PRKCB: variants seen among roughly 807,000 people sequenced by gnomAD.
The protein encoded by PRKCB is protein kinase C beta type.
In PRKCB, 13 loss-of-function variants were observed where a neutral mutation model predicts 81.5. The ratio of observed to expected loss-of-function variants is 0.16; its 90% CI spans 0.10 to 0.25. PRKCB has a LOEUF of 0.25. Ranked by LOEUF, PRKCB falls within the 10% of genes least tolerant of loss-of-function variation. The pLI is 1.00. For synonymous variants in PRKCB, 335 were observed against 321.4 expected, an observed-to-expected ratio of 1.04 and a Z score of -0.45; for missense variants, 509 against 875.7, an observed-to-expected ratio of 0.58 and a Z score of 5.29.
chr16:23,849,697 A>C (rs988561266), intron 2 of PRKCB, among the ~76,000 whole-genome samples: 1 of 152,164 alleles, frequency 6.6e-6, no homozygotes, highest in African/African-American at 2.4e-5. Context: ...TTTTTTTAAA[A>C]AAACTATTAA....
At chr16:23,896,078 AT>A (rs56293467) in intron 2 of PRKCB, among the ~76,000 whole-genome samples, 2,283 of 146,910 alleles carry the variant, frequency 0.016, 47 homozygotes, top group African/African-American at 0.054. Flanking sequence ...ATCCATTCAC[AT>A]TTTTTTTTTT....
Position 24,215,986 on chromosome 16 carries a change from TAA to T in PRKCB, c.*1184_*1185del, listed in dbSNP as rs59543980. The stretch of plus-strand genomic sequence containing the variant: ...TTTTTCTTCTAGCATCGAGATACAA[TAA>T]AAAAAAAAAAAAAGAAAAGAAGAAG... On this transcript the variant is annotated 3_prime_UTR_variant, in exon 17 of 17. Coordinates refer to ENST00000643927, the MANE Select transcript of PRKCB (RefSeq NM_002738.7). The T allele has an allele frequency of 0.018, 16,425 of 891,734 alleles. 487 individuals are homozygous for T. The highest frequency in any genetic ancestry group is 0.18 in the African/African-American group (8,403 of 47,358). The allele number at this position is 891,734 out of a possible 1,614,324, so 55.2% of individuals were successfully genotyped here. A position where few individuals can be genotyped will look rare whatever the true frequency, so the allele number is the denominator to read the frequency against.
chr16:23,903,635 CG>C (rs1269776382), intron 2 of PRKCB, among the ~76,000 whole-genome samples: 1 of 151,970 alleles, frequency 6.6e-6, no homozygotes, highest in Non-Finnish European at 1.5e-5. Flanking sequence ...AGGAGAATGC[CG>C]GAGAGGGGAA....
intron 2 of PRKCB, among the ~76,000 whole-genome samples, chr16:23,972,030 C>T (rs1964564060): frequency 6.6e-6 from 1 of 151,818 alleles, no homozygotes; most frequent in South Asian, 2.1e-4. Context: ...TTAAAAAAAC[C>T]CCAGAATATT....
At chr16:23,996,166 G>C (rs1329036248) in intron 3 of PRKCB, among the ~76,000 whole-genome samples, 1 of 152,026 alleles carries the variant, frequency 6.6e-6, no homozygotes, top group Admixed American at 6.6e-5. Context: ...ATCTCTGAGT[G>C]GGCAATAAAC....
At chr16:24,162,500 G>A (rs1967274749) in intron 10 of PRKCB, among the ~76,000 whole-genome samples, 1 of 145,214 alleles carries the variant, frequency 6.9e-6, no homozygotes, top group Non-Finnish European at 1.5e-5. Context: ...CCAGGCTGGA[G>A]TGCAGTGGTA....
Position 24,096,652 on chromosome 16 carries a change from CAAAAA to C in PRKCB, c.821+2366_821+2370del, listed in dbSNP as rs1219127854. On this transcript the variant is annotated intron_variant, in intron 7 of 16. Coordinates refer to ENST00000643927, the MANE Select transcript of PRKCB (RefSeq NM_002738.7). ...ATTTTATTTTGCTCCCTTCCTATGG[CAAAAA>C]AAAAAAAAAATATATATATATATAT... is the stretch of plus-strand genomic sequence containing the variant. 5.6e-3 allele frequency among the ~76,000 whole-genome samples: 231 copies of C among 41,544 alleles called. 1 individual carries two copies. Among genetic ancestry groups the C allele is most frequent in the East Asian group, 0.029 (34 of 1,182 alleles). The allele number at this position is 41,544 out of a possible 152,430, so 27.3% of individuals were successfully genotyped here.
rs774746011 is a variant in PRKCB at position 24,191,138 on chromosome 16, G to T, written c.1771G>T (p.Glu591Ter). 1.2e-6 allele frequency: 2 copies of T among 1,613,972 alleles called. No individual in the cohort carries two copies. Among genetic ancestry groups the T allele is most frequent in the Non-Finnish European group, 1.7e-6 (2 of 1,180,000 alleles). The part of the protein sequence containing the change: ...GKRLGCGPEG[E>*]RDIKEHAFFR... ...ACGTCTGGGTTGTGGACCTGAAGGC[G>T]AACGTGATATCAAAGAGCATGCATT... The change falls in exon 16 of 17, where the codon GAA (glutamate) becomes TAA (stop). Residue 591 changes from glutamate (E) to a stop codon, truncating the protein, a stop_gained. Coordinates refer to ENST00000643927, the MANE Select transcript of PRKCB (RefSeq NM_002738.7). LOFTEE classifies it high-confidence loss of function.
chr16:24,190,276 G>A (rs1306458052), intron 15 of PRKCB, among the ~76,000 whole-genome samples: 3 of 152,110 alleles, frequency 2.0e-5, no homozygotes, highest in Non-Finnish European at 4.4e-5. Context: ...TTTTTCTTCT[G>A]TTTTGTCATT....
intron 2 of PRKCB, among the ~76,000 whole-genome samples, chr16:23,940,384 T>C (rs1964126043): frequency 6.6e-6 from 1 of 151,744 alleles, no homozygotes; most frequent in Non-Finnish European, 1.5e-5. Context: ...TACAAAAACC[T>C]CTGTGTGAAT....
intron 9 of PRKCB, among the ~76,000 whole-genome samples, chr16:24,124,733 A>G (rs544568921): frequency 5.3e-5 from 8 of 152,276 alleles, no homozygotes; most frequent in African/African-American, 1.2e-4. Flanking sequence ...TCTAGCATAA[A>G]TCTCATACCA....
intron 2 of PRKCB, among the ~76,000 whole-genome samples, chr16:23,895,682 T>A (rs898811413): frequency 1.3e-5 from 2 of 152,198 alleles, no homozygotes; most frequent in Admixed American, 6.5e-5. Context: ...GCCTACCAAA[T>A]GATGAACCAG....
At chr16:24,096,458 C>A (rs982878052) in intron 7 of PRKCB, among the ~76,000 whole-genome samples, 3 of 151,492 alleles carry the variant, frequency 2.0e-5, no homozygotes, top group Admixed American at 2.0e-4. Context: ...GCTCCATGGA[C>A]ACTAGAGTGG....
intron 3 of PRKCB, among the ~76,000 whole-genome samples, chr16:23,995,375 G>A (rs751599705): frequency 1.3e-5 from 2 of 152,222 alleles, no homozygotes; most frequent in African/African-American, 2.4e-5. Context: ...TCCAATGGTG[G>A]TTGGTTAGTG....
intron 9 of PRKCB, among the ~76,000 whole-genome samples, chr16:24,139,215 C>T (rs1966878611): frequency 6.6e-6 from 1 of 152,110 alleles, no homozygotes; most frequent in African/African-American, 2.4e-5. Flanking sequence ...GCTCCAAGTT[C>T]ATGAACATTT....
chr16:23,995,292 A>T (rs553026449), intron 3 of PRKCB, among the ~76,000 whole-genome samples: 1 of 152,316 alleles, frequency 6.6e-6, no homozygotes, highest in Non-Finnish European at 1.5e-5. Flanking sequence ...GGCCCAGAAC[A>T]GTAGAAGGCT....
chr16:24,090,649 A>G (rs968180887), intron 5 of PRKCB, among the ~76,000 whole-genome samples: 2 of 152,206 alleles, frequency 1.3e-5, no homozygotes, highest in African/African-American at 4.8e-5. Flanking sequence ...GGTTCGAGGG[A>G]CTGATTGGTG....
rs527418612 is a variant in PRKCB, at chr16:23,991,406, C to G, written c.288+2816C>G. On this transcript the variant is annotated intron_variant, in intron 3 of 16. Transcript: ENST00000643927. ...CTTGTAGTGCAATTTCTTCTCTCCT[C>G]CCTAGCAAAATAGGCAGGGGAGTTT... Among the ~76,000 whole-genome samples the G allele has an allele frequency of 8.5e-5, 13 of 152,296 alleles. No homozygotes were observed. In the East Asian group the frequency reaches 2.5e-3, roughly 29 times the overall value.
intron 7 of PRKCB, among the ~76,000 whole-genome samples, chr16:24,106,043 CT>C (rs937809314): frequency 2.7e-5 from 4 of 149,932 alleles, no homozygotes; most frequent in South Asian, 2.1e-4. Context: ...TGTTATATTA[CT>C]TTTTTTTAAA....
Sources: gnomAD v4.1 joint callset for allele counts (sites outside exome capture counted in the v4.1 genomes callset) on GRCh38, gnomAD v4.1.1 for gene constraint, MANE v1.5 for transcripts, NCBI Gene and HGNC (gene_info 2026-07-23, HGNC 2026-07-21) for gene names.